Variants in ARHGAP6 observed in about 807,000 individuals in gnomAD.
ARHGAP6 encodes the protein rho GTPase-activating protein 6.
A neutral mutation model predicts 55.7 loss-of-function variants in ARHGAP6; 16 were observed. That is an observed-to-expected ratio of 0.29 (90% CI 0.19 to 0.44). The LOEUF is 0.44. Among genes scored for constraint, ARHGAP6 ranks in the 20% least tolerant of loss-of-function variants. The pLI, the probability that ARHGAP6 is intolerant of heterozygous loss-of-function variation, is 1.00. For synonymous variants in ARHGAP6, 382 were observed against 360.9 expected (o/e 1.06, Z -0.66); for missense variants, 698 against 808.9 (o/e 0.86, Z 1.66).
At chrX:11,577,723 G>T (rs2051617716) in intron 1 of ARHGAP6, among the ~76,000 whole-genome samples, 1 of 111,498 alleles carries the variant, frequency 9.0e-6, no homozygotes, top group Non-Finnish European at 1.9e-5. Flanking sequence ...TTGGGGAGGG[G>T]GAATTACCCA....
chrX:11,313,355 A>G (rs2048322081), intron 1 of ARHGAP6, among the ~76,000 whole-genome samples: 1 of 112,531 alleles, frequency 8.9e-6, no homozygotes, highest in South Asian at 3.7e-4. Context: ...GTCTGGACCA[A>G]CTTCCTTAGC....
At chrX:11,373,103 A>ACG (rs1217205414) in intron 1 of ARHGAP6, among the ~76,000 whole-genome samples, 2 of 108,146 alleles carry the variant, frequency 1.8e-5, no homozygotes, top group Non-Finnish European at 3.8e-5. Flanking sequence ...AAACACACAC[A>ACG]CACACACACA....
At chrX:11,337,270 T>C (rs1265828199) in intron 1 of ARHGAP6, among the ~76,000 whole-genome samples, 3 of 111,909 alleles carry the variant, frequency 2.7e-5, no homozygotes, top group Non-Finnish European at 5.6e-5. Context: ...TATTTTTACA[T>C]TATATACTAT....
intron 1 of ARHGAP6, among the ~76,000 whole-genome samples, chrX:11,378,552 C>G (rs1441208459): frequency 8.9e-6 from 1 of 112,550 alleles, no homozygotes; most frequent in African/African-American, 3.2e-5. Flanking sequence ...CATAATACTA[C>G]AAAAGTCTCA....
intron 1 of ARHGAP6, among the ~76,000 whole-genome samples, chrX:11,542,996 C>A (rs1601629879): frequency 9.0e-6 from 1 of 111,540 alleles, no homozygotes; most frequent in Non-Finnish European, 1.9e-5. Flanking sequence ...CTTTAGGATG[C>A]AGAGTGGGAA....
chrX:11,429,135 A>C (rs1449031952), intron 1 of ARHGAP6, among the ~76,000 whole-genome samples: 1 of 112,903 alleles, frequency 8.9e-6, no homozygotes, highest in African/African-American at 3.2e-5. Flanking sequence ...CAGCAATAAA[A>C]AGGAAAATGC....
At chrX:11,427,764 G>T in intron 1 of ARHGAP6, 4 of 767,028 alleles carry the variant, frequency 5.2e-6, no homozygotes, top group Non-Finnish European at 6.2e-6. Flanking sequence ...CGCTGCCGCT[G>T]CGGAGCCGGT....
intron 1 of ARHGAP6, among the ~76,000 whole-genome samples, chrX:11,626,008 T>A (rs1270337189): frequency 1.8e-5 from 2 of 111,360 alleles, no homozygotes; most frequent in African/African-American, 6.5e-5. Context: ...AAGCAAAAAT[T>A]GATGAAATAT....
At chrX:11,427,411 G>T in intron 1 of ARHGAP6, 1 of 786,400 alleles carries the variant, frequency 1.3e-6, no homozygotes, top group Non-Finnish European at 1.6e-6. Context: ...GGCACTTCGG[G>T]GTGACGTACC....
At chrX:11,296,863 C>T (rs749650835) in intron 1 of ARHGAP6, 11 of 1,179,493 alleles carry the variant, frequency 9.3e-6, no homozygotes, top group Middle Eastern at 2.3e-4. Context: ...CCATTGTTTG[C>T]GTTAACAATG....
intron 1 of ARHGAP6, among the ~76,000 whole-genome samples, chrX:11,512,638 C>T (rs1386000386): frequency 9.0e-6 from 1 of 111,161 alleles, no homozygotes; most frequent in East Asian, 2.8e-4. Flanking sequence ...CACTTTCTCT[C>T]ATAGATCCTT....
At chrX:11,552,599 T>TATATATATATAC (rs1491079107) in intron 1 of ARHGAP6, among the ~76,000 whole-genome samples, 6 of 48,228 alleles carry the variant, frequency 1.2e-4, no homozygotes, top group Non-Finnish European at 1.9e-4. Flanking sequence ...TATATATATA[T>TATATATATATAC]AGACACACAC....
At chrX:11,276,547 TTTAGTATTAAGAG>T (rs1238734226) in intron 1 of ARHGAP6, among the ~76,000 whole-genome samples, 2 of 111,976 alleles carry the variant, frequency 1.8e-5, no homozygotes, top group East Asian at 5.6e-4. Flanking sequence ...CTTCCTGACT[TTTAGTATTAAGAG>T]ACAAACATGT....
chrX:11,630,264 C>T (rs985102477), intron 1 of ARHGAP6, among the ~76,000 whole-genome samples: 5 of 111,976 alleles, frequency 4.5e-5, no homozygotes, highest in Non-Finnish European at 7.5e-5. Flanking sequence ...GATGCAGTGT[C>T]ATATGTTTTC....
At chrX:11,187,902 C>T (rs2046406634) in intron 4 of ARHGAP6, among the ~76,000 whole-genome samples, 1 of 111,657 alleles carries the variant, frequency 9.0e-6, no homozygotes, top group African/African-American at 3.3e-5. Context: ...CGTGGTGGTG[C>T]GCATCTGTAG....
intron 1 of ARHGAP6, among the ~76,000 whole-genome samples, chrX:11,624,577 T>A (rs2052271678): frequency 8.9e-6 from 1 of 112,950 alleles, no homozygotes; most frequent in Non-Finnish European, 1.9e-5. Flanking sequence ...TTTCTTTTTT[T>A]CTTTTTTTTG....
chrX:11,557,055 T>G (rs1482242218), intron 1 of ARHGAP6, among the ~76,000 whole-genome samples: 3 of 111,949 alleles, frequency 2.7e-5, no homozygotes, highest in Non-Finnish European at 5.6e-5. Context: ...AAACATAAAG[T>G]TACTAAAAAC....
intron 1 of ARHGAP6, among the ~76,000 whole-genome samples, chrX:11,360,501 G>A (rs1451402648): frequency 1.0e-4 from 11 of 109,035 alleles, no homozygotes; most frequent in East Asian, 5.7e-4. Flanking sequence ...TTGATGGGAC[G>A]TATCTCAAAA....
At chrX:11,295,369 C>A (rs187559058) in intron 1 of ARHGAP6, among the ~76,000 whole-genome samples, 2 of 111,569 alleles carry the variant, frequency 1.8e-5, no homozygotes, top group Admixed American at 1.9e-4. Flanking sequence ...GGCCCCACCC[C>A]TTTGGGTACA....
Sources: allele counts gnomAD v4.1 joint callset (sites outside exome capture counted in the v4.1 genomes callset), GRCh38; gene constraint gnomAD v4.1.1; transcripts MANE v1.5; gene names NCBI Gene and HGNC (gene_info 2026-07-23, HGNC 2026-07-21).